DMC1: variants seen among roughly 807,000 people sequenced by gnomAD.
DMC1 encodes the protein DNA meiotic recombinase 1.
Under a neutral mutation model 50.1 loss-of-function variants are expected in DMC1, and 27 were observed. That is an observed-to-expected ratio of 0.54 (90% CI 0.40 to 0.74). The LOEUF is 0.74. Among genes scored for constraint, DMC1 ranks in the 30% least tolerant of loss-of-function variants. The pLI is 0.00. For missense variants in DMC1, 295 were observed against 420.2 expected (o/e 0.70, Z 2.60); for synonymous variants, 148 against 136.1 (o/e 1.09, Z -0.61).
At chr22:38,564,907 C>T (rs112814568) in intron 4 of DMC1, among the ~76,000 whole-genome samples, 14 of 152,198 alleles carry the variant, frequency 9.2e-5, no homozygotes, top group African/African-American at 2.4e-4. Context: ...TGATTCAGTT[C>T]GGTTGAGTCC....
chr22:38,521,494 A>T, intron 13 of DMC1, 114 bp downstream of exon 13: 1 of 707,110 alleles, frequency 1.4e-6, no homozygotes, highest in South Asian at 1.5e-5. Context: ...GCTTGAGCCT[A>T]GGAGTTTGAG....
At chr22:38,517,974 CTTTTT>C (rs1195079895), downstream of DMC1, among the ~76,000 whole-genome samples, 1 of 142,416 alleles carries the variant, frequency 7.0e-6, no homozygotes. Flanking sequence ...TGGAATTTTA[CTTTTT>C]TTTTTTTTTT....
At chr22:38,513,980 A>G (rs1475270151), downstream of DMC1, among the ~76,000 whole-genome samples, 1 of 152,210 alleles carries the variant, frequency 6.6e-6, no homozygotes, top group Non-Finnish European at 1.5e-5. Flanking sequence ...GGCCTGTTTG[A>G]AAACAATAGC....
intron 2 of DMC1, 123 bp from the exon 3 acceptor site, chr22:38,567,750 G>T: frequency 1.4e-6 from 1 of 736,108 alleles, no homozygotes; most frequent in Non-Finnish European, 2.4e-6. Context: ...CGCTTCTCTA[G>T]AGATTGAGGA....
At chr22:38,516,804 C>T (rs1245480297), downstream of DMC1, among the ~76,000 whole-genome samples, 1 of 151,984 alleles carries the variant, frequency 6.6e-6, no homozygotes, top group Non-Finnish European at 1.5e-5. Flanking sequence ...TGAGGAGTGG[C>T]CAGTTGAATA....
intron 1 of DMC1, among the ~76,000 whole-genome samples, chr22:38,569,060 C>T (rs562186390): frequency 1.1e-4 from 16 of 151,252 alleles, no homozygotes; most frequent in Non-Finnish European, 2.4e-4. Flanking sequence ...GGTGGGCGCC[C>T]GTAATCCCAC....
intron 12 of DMC1, among the ~76,000 whole-genome samples, chr22:38,527,422 C>T (rs1035695482): frequency 4.6e-5 from 7 of 151,618 alleles, no homozygotes; most frequent in Non-Finnish European, 8.8e-5. Flanking sequence ...CCAGGCTGGT[C>T]TTGAACTCCC....
At chr22:38,556,522 A>G (rs888578860) in intron 5 of DMC1, among the ~76,000 whole-genome samples, 30 of 152,262 alleles carry the variant, frequency 2.0e-4, no homozygotes, top group Admixed American at 3.9e-4. Context: ...TAAATGTCAA[A>G]GATGTTGTAG....
At chr22:38,511,095 C>G in the DMC1 span, among the ~76,000 whole-genome samples, 1 of 151,826 alleles carries the variant, frequency 6.6e-6, no homozygotes, top group African/African-American at 2.4e-5. Flanking sequence ...GATTGTGCCA[C>G]TGCACTCCAG....
chr22:38,540,451 A>C (rs1399232357), intron 8 of DMC1, among the ~76,000 whole-genome samples: 4 of 152,240 alleles, frequency 2.6e-5, no homozygotes, highest in Non-Finnish European at 5.9e-5. Context: ...CCTATAAACT[A>C]TAAAGGAGTA....
chr22:38,543,117 G>A (rs1314050691), intron 8 of DMC1, among the ~76,000 whole-genome samples: 1 of 152,114 alleles, frequency 6.6e-6, no homozygotes, highest in African/African-American at 2.4e-5. Flanking sequence ...GGAAGCATTG[G>A]GGAAACTCTG....
downstream of DMC1, among the ~76,000 whole-genome samples, chr22:38,514,396 CA>C (rs2089962285): frequency 6.6e-6 from 1 of 151,728 alleles, no homozygotes; most frequent in African/African-American, 2.4e-5. Context: ...AGGCATGCAA[CA>C]TGACGCCCAG....
At chr22:38,552,599 G>A (rs1386175985) in intron 7 of DMC1, 67 bp downstream of exon 7, 7 of 1,089,456 alleles carry the variant, frequency 6.4e-6, no homozygotes, top group African/African-American at 1.5e-5. Flanking sequence ...AGAGTATCAG[G>A]CACATAGTAG....
chr22:38,567,505 C>T (rs1401290825), intron 3 of DMC1, 78 bp downstream of exon 3: 3 of 1,233,136 alleles, frequency 2.4e-6, no homozygotes, highest in Middle Eastern at 1.9e-4. Context: ...AAGAATTATC[C>T]AGGCCCAAAT....
chr22:38,559,833 GA>G (rs2090507274), intron 5 of DMC1, among the ~76,000 whole-genome samples: 1 of 151,802 alleles, frequency 6.6e-6, no homozygotes. Flanking sequence ...GCCTGGCCAA[GA>G]TGCTGAAACC....
chr22:38,526,551 G>C (rs937828975), intron 12 of DMC1, among the ~76,000 whole-genome samples: 1 of 150,022 alleles, frequency 6.7e-6, no homozygotes, highest in African/African-American at 2.5e-5. Context: ...CTAACACTTT[G>C]ATAATTTAAT....
At position 38,550,141 on chromosome 22, in the gene DMC1, T is replaced by C. The variant is rs1051097533; in HGVS notation, c.422-144A>G. The C allele has an allele frequency of 9.4e-6, 6 of 641,238 alleles. No individual in the cohort carries two copies. In the African/African-American group the frequency reaches 1.1e-4, roughly 12 times the overall value. The allele number at this position is 641,238 out of a possible 1,614,324, so 39.7% of individuals were successfully genotyped here. On this transcript the variant is annotated intron_variant, in intron 7 of 13. Coordinates refer to ENST00000216024, the MANE Select transcript of DMC1 (RefSeq NM_007068.4). ...ATCCTTTCGTTTCTAAACAACATGT[T>C]ATATTTTCATATTACTTAACCAGTG...
intron 12 of DMC1, among the ~76,000 whole-genome samples, chr22:38,532,897 C>T (rs534489952): frequency 2.0e-5 from 3 of 152,168 alleles, no homozygotes; most frequent in East Asian, 1.9e-4. Flanking sequence ...CGTGAGCCAC[C>T]GTGCTTGGCC....
intron 6 of DMC1, among the ~76,000 whole-genome samples, chr22:38,553,200 T>A (rs1449993487): frequency 6.6e-6 from 1 of 151,006 alleles, no homozygotes; most frequent in Admixed American, 6.6e-5. Context: ...GTAACAGTCA[T>A]ATAAATGAAA....
Sources: gnomAD v4.1 joint callset for allele counts (sites outside exome capture counted in the v4.1 genomes callset) on GRCh38, gnomAD v4.1.1 for gene constraint, MANE v1.5 for transcripts, NCBI Gene and HGNC (gene_info 2026-07-23, HGNC 2026-07-21) for gene names.